TRIO: variants seen among roughly 807,000 people sequenced by gnomAD.
The protein encoded by TRIO is triple functional domain protein.
In TRIO, 58 loss-of-function variants were observed where a neutral mutation model predicts 351.9. The observed-to-expected ratio is 0.16, with a 90% CI of 0.13 to 0.21. TRIO has a LOEUF of 0.21. Ranked by LOEUF, TRIO falls within the 10% of genes least tolerant of loss-of-function variation. The probability of loss-of-function intolerance (pLI) is 1.00; values close to 1 mark genes in which losing one functional copy is unlikely to be tolerated. For synonymous variants in TRIO, 1,758 were observed against 1,595.7 expected, an observed-to-expected ratio of 1.10 and a Z score of -2.42; for missense variants, 3,201 against 4,027.8, an observed-to-expected ratio of 0.79 and a Z score of 5.56.
At position 14,293,432 on chromosome 5, in the gene TRIO, G is replaced by A. The variant is rs184724499; in HGVS notation, c.1176+298G>A. 4.7e-4 allele frequency among the ~76,000 whole-genome samples: 71 copies of A among 152,338 alleles called. No homozygotes were observed. The South Asian group carries it at 6.0e-3, about 13-fold the overall frequency. On this transcript the variant is annotated intron_variant, in intron 6 of 56. Coordinates refer to ENST00000344204, the MANE Select transcript of TRIO (RefSeq NM_007118.4). ...GGCTCCTGTGCTGCACTTCATAGGA[G>A]CCCACGGGGGCCCCAGCAAAGCTGC...
chr5:14,423,692 C>T (rs1329974821), intron 34 of TRIO, among the ~76,000 whole-genome samples: 1 of 152,156 alleles, frequency 6.6e-6, no homozygotes, highest in Non-Finnish European at 1.5e-5. Context: ...AAATGAGCGT[C>T]TCTCACTCTC....
At chr5:14,239,454 T>C (rs1309687085) in intron 1 of TRIO, among the ~76,000 whole-genome samples, 1 of 152,246 alleles carries the variant, frequency 6.6e-6, no homozygotes, top group Admixed American at 6.5e-5. Context: ...ATGGGAGAAA[T>C]AGCGTTCATC....
rs770388712 is a variant in TRIO at position 14,387,497 on chromosome 5, G to T, written c.3630G>T (p.Gly1210=). 2 of 1,614,150 alleles carry T rather than the reference G, an allele frequency of 1.2e-6. No homozygotes were observed. Among genetic ancestry groups the T allele is most frequent in the Admixed American group, 3.3e-5 (2 of 60,002 alleles). ...TGGCTGATGGCTTTTGTGAAAAAGG[G>T]CATGCCCATGCGGCAGAGATAAAAA... ...IQLADGFCEK[G]HAHAAEIKKC... The change falls in exon 22 of 57, where the codon GGG becomes GGT. Residue 1210 remains glycine (G), a synonymous_variant. Coordinates refer to ENST00000344204, the MANE Select transcript of TRIO (RefSeq NM_007118.4).
At chr5:14,185,345 A>C (rs1581301863) in intron 1 of TRIO, among the ~76,000 whole-genome samples, 1 of 152,170 alleles carries the variant, frequency 6.6e-6, no homozygotes, top group Admixed American at 6.5e-5. Context: ...AATACTTAAA[A>C]ACATGAATAG....
chr5:14,370,245 C>T (rs962131319), intron 18 of TRIO, among the ~76,000 whole-genome samples: 3 of 152,028 alleles, frequency 2.0e-5, no homozygotes, highest in Admixed American at 2.0e-4. Flanking sequence ...CCCGCTTCAG[C>T]CTCTCTAGTA....
intron 3 of TRIO, among the ~76,000 whole-genome samples, chr5:14,285,442 T>C (rs944321122): frequency 2.6e-5 from 4 of 151,946 alleles, no homozygotes; most frequent in East Asian, 1.9e-4. Context: ...GATGTAGATG[T>C]CATATGTACT....
At chr5:14,363,566 C>G (rs1744338972) in intron 13 of TRIO, among the ~76,000 whole-genome samples, 166 bp from the exon 14 acceptor site, 1 of 152,098 alleles carries the variant, frequency 6.6e-6, no homozygotes, top group African/African-American at 2.4e-5. Context: ...TTTGTTTAAA[C>G]AGCTTTATTG....
At chr5:14,456,140 G>A (rs1394113103) in intron 34 of TRIO, among the ~76,000 whole-genome samples, 3 of 152,248 alleles carry the variant, frequency 2.0e-5, no homozygotes, top group Non-Finnish European at 4.4e-5. Flanking sequence ...CCTGGGGCCA[G>A]TGGCGCTGGC....
chr5:14,509,319 T>C lies in TRIO; in HGVS notation c.*897T>C. ...ATGCAACTATTTATGAAGACCTCTG[T>C]TGTACCTGTAATAAATATATAGAAA... is the stretch of plus-strand genomic sequence containing the variant. On this transcript the variant is annotated 3_prime_UTR_variant, in exon 57 of 57. Coordinates refer to ENST00000344204, the MANE Select transcript of TRIO (RefSeq NM_007118.4). 2.3e-6 allele frequency: 1 copy of C among 425,974 alleles called. No individual in the cohort carries two copies. The allele number at this position is 425,974 out of a possible 1,614,324, so 26.4% of individuals were successfully genotyped here. A position where few individuals can be genotyped will look rare whatever the true frequency, so the allele number is the denominator to read the frequency against.
chr5:14,465,906 G>T (rs754007351), intron 37 of TRIO: 6 of 404,956 alleles, frequency 1.5e-5, no homozygotes, highest in Non-Finnish European at 2.8e-5. Context: ...CATAGGGCAG[G>T]TCTCAGGGAG....
intron 11 of TRIO, among the ~76,000 whole-genome samples, chr5:14,349,255 G>T (rs1374571913): frequency 6.9e-6 from 1 of 144,174 alleles, no homozygotes; most frequent in South Asian, 2.2e-4. Context: ...ACACACGTGA[G>T]CATGTGTTTT....
At chr5:14,291,874 G>GT (rs995084337) in intron 5 of TRIO, among the ~76,000 whole-genome samples, 4 of 147,628 alleles carry the variant, frequency 2.7e-5, no homozygotes, top group Admixed American at 6.9e-5. Context: ...TATTGAGTAT[G>GT]TTTTTTAAAA....
chr5:14,289,781 A>G (rs1461720227), intron 4 of TRIO, among the ~76,000 whole-genome samples: 1 of 152,014 alleles, frequency 6.6e-6, no homozygotes, highest in Non-Finnish European at 1.5e-5. Flanking sequence ...CCTGGGAGGC[A>G]GAGGTTGCAG....
intron 1 of TRIO, among the ~76,000 whole-genome samples, chr5:14,233,466 G>C (rs753388871): frequency 1.3e-4 from 20 of 151,892 alleles, no homozygotes; most frequent in Non-Finnish European, 2.4e-4. Flanking sequence ...TTCCAGCCTG[G>C]GTGACAGAAT....
intron 9 of TRIO, 30 bp downstream of exon 9, chr5:14,316,773 G>A: frequency 6.3e-7 from 1 of 1,589,828 alleles, no homozygotes; most frequent in Non-Finnish European, 8.6e-7. Context: ...CTTCTGCATG[G>A]GAAATGGCTT....
At chr5:14,324,278 T>G (rs1487467832) in intron 9 of TRIO, among the ~76,000 whole-genome samples, 1 of 152,254 alleles carries the variant, frequency 6.6e-6, no homozygotes, top group Non-Finnish European at 1.5e-5. Flanking sequence ...TTCATTTGTT[T>G]CATGTATTCT....
intron 53 of TRIO, among the ~76,000 whole-genome samples, chr5:14,500,888 CAAAAAAAAAAAAAAAAA>C (rs34729667): frequency 1.6e-5 from 1 of 63,572 alleles, no homozygotes; most frequent in Admixed American, 2.1e-4. Flanking sequence ...GACTCTGCCT[CAAAAAAAAAAAAAAAAA>C]AAAAAAAACA....
chr5:14,215,978 T>C (rs888342868), intron 1 of TRIO, among the ~76,000 whole-genome samples: 1 of 152,220 alleles, frequency 6.6e-6, no homozygotes, highest in African/African-American at 2.4e-5. Flanking sequence ...CGTTTGATCT[T>C]AGCCATGCTG....
At chr5:14,488,323 G>C in intron 48 of TRIO, 63 bp downstream of exon 48, 1 of 1,496,856 alleles carries the variant, frequency 6.7e-7, no homozygotes. Context: ...AGCTCTAAAC[G>C]CCACCGCGGC....
Sources: gnomAD v4.1 joint callset for allele counts (sites outside exome capture counted in the v4.1 genomes callset) on GRCh38, gnomAD v4.1.1 for gene constraint, MANE v1.5 for transcripts, NCBI Gene and HGNC (gene_info 2026-07-23, HGNC 2026-07-21) for gene names.